The following FBXL7 variants were observed in gnomAD, a reference collection of about 807,000 sequenced individuals.
The protein encoded by FBXL7 is F-box/LRR-repeat protein 7.
A neutral mutation model predicts 38.3 loss-of-function variants in FBXL7; 12 were observed. That is an observed-to-expected ratio of 0.31 (90% confidence interval 0.20 to 0.51). FBXL7 has a LOEUF of 0.51. FBXL7 is among the 20% of genes least tolerant of loss of function. The pLI, the probability that FBXL7 is intolerant of heterozygous loss-of-function variation, is 0.98. For synonymous variants in FBXL7, 297 were observed against 300.9 expected, an observed-to-expected ratio of 0.99 and a Z score of 0.13; for missense variants, 567 against 676.4, an observed-to-expected ratio of 0.84 and a Z score of 1.79.
intron 1 of FBXL7, chr5:15,580,847 C>A (rs781127461): frequency 1.2e-5 from 12 of 979,662 alleles, no homozygotes; most frequent in Non-Finnish European, 1.3e-5. Flanking sequence ...ACTATCCCAG[C>A]GACACTGGTT....
At chr5:15,731,362 G>GC (rs139145129) in intron 2 of FBXL7, among the ~76,000 whole-genome samples, 3,671 of 152,208 alleles carry the variant, frequency 0.024, 90 homozygotes, top group East Asian at 0.068. Flanking sequence ...CAAAGAGAAA[G>GC]CTTGTGCAGA....
At chr5:15,925,410 C>A (rs1561190739) in intron 2 of FBXL7, among the ~76,000 whole-genome samples, 1 of 152,172 alleles carries the variant, frequency 6.6e-6, no homozygotes, top group African/African-American at 2.4e-5. Flanking sequence ...GCTCCATGAG[C>A]ACAGCGTGGA....
rs80270075 is a variant in FBXL7, at chr5:15,800,840, A to G, written c.128-127050A>G. Among the ~76,000 whole-genome samples, 563 of 152,334 alleles carry G rather than the reference A, an allele frequency of 3.7e-3. 2 individuals are homozygous for G. Among genetic ancestry groups the G allele is most frequent in the Non-Finnish European group, 6.3e-3 (432 of 68,034 alleles). ...CTGCATCCAAACCTGAAGGTCAGAC[A>G]GACCTTACTAGAAGGTGCACATAAA... On this transcript the variant is annotated intron_variant, in intron 2 of 3. Coordinates refer to ENST00000504595, the MANE Select transcript of FBXL7 (RefSeq NM_012304.5).
intron 2 of FBXL7, among the ~76,000 whole-genome samples, chr5:15,715,391 T>TGA (rs892138490): frequency 1.6e-4 from 24 of 148,612 alleles, no homozygotes; most frequent in African/African-American, 6.0e-4. Flanking sequence ...CTCGGGAGGC[T>TGA]GAGGCAGAAG....
intron 2 of FBXL7, among the ~76,000 whole-genome samples, chr5:15,673,133 T>C (rs1742537723): frequency 6.6e-6 from 1 of 152,014 alleles, no homozygotes; most frequent in Non-Finnish European, 1.5e-5. Flanking sequence ...CTGGCCAACA[T>C]GGCAAAACCC....
At chr5:15,827,676 C>A (rs971362478) in intron 2 of FBXL7, among the ~76,000 whole-genome samples, 1 of 152,112 alleles carries the variant, frequency 6.6e-6, no homozygotes, top group South Asian at 2.1e-4. Flanking sequence ...GAGGACAGAG[C>A]CCTCACAGCC....
chr5:15,860,684 G>T (rs546342649), intron 2 of FBXL7, among the ~76,000 whole-genome samples: 2 of 151,952 alleles, frequency 1.3e-5, no homozygotes, highest in Admixed American at 6.6e-5. Flanking sequence ...CCTCATTTTC[G>T]TAGTTGTCAA....
intron 1 of FBXL7, among the ~76,000 whole-genome samples, chr5:15,542,445 TC>T (rs1177276725): frequency 6.6e-6 from 1 of 152,188 alleles, no homozygotes; most frequent in African/African-American, 2.4e-5. Context: ...CTATGAGCAT[TC>T]TTCTATAAGC....
At chr5:15,872,433 A>G (rs996082017) in intron 2 of FBXL7, among the ~76,000 whole-genome samples, 2 of 152,180 alleles carry the variant, frequency 1.3e-5, no homozygotes, top group African/African-American at 4.8e-5. Flanking sequence ...CAATAACAAT[A>G]TTAACCTTAA....
At chr5:15,549,862 T>C (rs1188345918) in intron 1 of FBXL7, among the ~76,000 whole-genome samples, 1 of 152,164 alleles carries the variant, frequency 6.6e-6, no homozygotes, top group Non-Finnish European at 1.5e-5. Flanking sequence ...CTTTTGAAAC[T>C]AGAAATCTGG....
chr5:15,883,559 G>A (rs377362671), intron 2 of FBXL7, among the ~76,000 whole-genome samples: 2 of 152,218 alleles, frequency 1.3e-5, no homozygotes, highest in East Asian at 3.9e-4. Flanking sequence ...CATTCTTCAG[G>A]TGGTGAAATA....
intron 1 of FBXL7, among the ~76,000 whole-genome samples, chr5:15,518,264 G>A (rs1737000753): frequency 6.6e-6 from 1 of 152,136 alleles, no homozygotes; most frequent in East Asian, 1.9e-4. Flanking sequence ...ACCGTGCCCG[G>A]CCACAGGTTC....
At chr5:15,860,801 G>A (rs1739442356) in intron 2 of FBXL7, among the ~76,000 whole-genome samples, 1 of 152,288 alleles carries the variant, frequency 6.6e-6, no homozygotes, top group Admixed American at 6.5e-5. Flanking sequence ...TAATCATAGA[G>A]TATTAGAGTT....
chr5:15,919,577 G>A (rs1741686988), intron 2 of FBXL7, among the ~76,000 whole-genome samples: 1 of 152,124 alleles, frequency 6.6e-6, no homozygotes, highest in Admixed American at 6.5e-5. Context: ...AAACTTTAAA[G>A]AATCCTCTGT....
intron 2 of FBXL7, among the ~76,000 whole-genome samples, chr5:15,863,115 A>G (rs957832341): frequency 1.3e-5 from 2 of 152,170 alleles, no homozygotes; most frequent in African/African-American, 4.8e-5. Context: ...CTTGTACTAA[A>G]ATTTCCCAAA....
At chr5:15,814,478 A>C (rs987900332) in intron 2 of FBXL7, among the ~76,000 whole-genome samples, 1 of 152,034 alleles carries the variant, frequency 6.6e-6, no homozygotes, top group African/African-American at 2.4e-5. Context: ...CTAATGTAAA[A>C]TATGGGTCGA....
chr5:15,632,983 C>T (rs1332219831), intron 2 of FBXL7, among the ~76,000 whole-genome samples: 3 of 152,030 alleles, frequency 2.0e-5, no homozygotes, highest in Admixed American at 2.0e-4. Flanking sequence ...ACACATGTAC[C>T]CCCTGAAGCT....
intron 2 of FBXL7, among the ~76,000 whole-genome samples, chr5:15,819,906 G>T (rs1738125767): frequency 6.6e-6 from 1 of 152,170 alleles, no homozygotes; most frequent in Admixed American, 6.5e-5. Context: ...TTCATCTTCA[G>T]TGGTAGAATA....
chr5:15,652,577 T>C (rs187974939), intron 2 of FBXL7, among the ~76,000 whole-genome samples: 1 of 152,216 alleles, frequency 6.6e-6, no homozygotes, highest in African/African-American at 2.4e-5. Context: ...GAAATTTTTC[T>C]TTTTCATTTA....
Sources: gnomAD v4.1 joint callset for allele counts (sites outside exome capture counted in the v4.1 genomes callset) on GRCh38, gnomAD v4.1.1 for gene constraint, MANE v1.5 for transcripts, NCBI Gene and HGNC (gene_info 2026-07-23, HGNC 2026-07-21) for gene names.